The following POLR3B variants were observed in gnomAD, a reference collection of about 807,000 sequenced individuals.
POLR3B encodes the protein DNA-directed RNA polymerase III subunit RPC2.
POLR3B carries 96 observed loss-of-function variants against 147.4 expected under a neutral mutation model. The ratio of observed to expected loss-of-function variants is 0.65; its 90% CI spans 0.55 to 0.77. The LOEUF (loss-of-function observed/expected upper bound fraction) is 0.77. POLR3B is among the 30% of genes least tolerant of loss of function. The probability of loss-of-function intolerance (pLI) is 0.00; values close to 1 mark genes in which losing one functional copy is unlikely to be tolerated. For missense variants in POLR3B, 1,036 were observed against 1,413.5 expected (o/e 0.73, Z 4.28); for synonymous variants, 461 against 485.9 (o/e 0.95, Z 0.67).
At chr12:106,365,004 G>A (rs1481127040) in intron 2 of POLR3B, among the ~76,000 whole-genome samples, 19 of 152,216 alleles carry the variant, frequency 1.2e-4, no homozygotes, top group African/African-American at 1.7e-4. Context: ...GTGTGGTGGC[G>A]GGCCCCTGTA....
chr12:106,361,958 T>A (rs1468178858), intron 1 of POLR3B, among the ~76,000 whole-genome samples: 1 of 152,170 alleles, frequency 6.6e-6, no homozygotes, highest in African/African-American at 2.4e-5. Context: ...TGTCGAGCTC[T>A]TTCACTGGCA....
chr12:106,505,685 T>C (rs1348152764), intron 27 of POLR3B, among the ~76,000 whole-genome samples: 1 of 152,084 alleles, frequency 6.6e-6, no homozygotes, highest in Non-Finnish European at 1.5e-5. Context: ...TCACCTGCCC[T>C]CCCCAGAGTG....
In POLR3B at chr12:106,496,926, T is replaced by C. The variant is rs776764967; in HGVS notation, c.2984+8T>C. 1.9e-6 allele frequency: 3 copies of C among 1,613,018 alleles called. No homozygotes were observed. The highest frequency in any genetic ancestry group is 2.5e-6 in the Non-Finnish European group (3 of 1,179,348). The stretch of plus-strand genomic sequence containing the variant: ...TACATCCGGCATCACAGGGTAAGCA[T>C]GCGATTGAGCTATTTTAAAGAAAAA... On this transcript the variant is annotated splice_region_variant and intron_variant, in intron 25 of 27. Transcript: ENST00000228347.
intron 19 of POLR3B, among the ~76,000 whole-genome samples, chr12:106,451,630 AG>A (rs1177832853): frequency 1.5e-4 from 8 of 53,914 alleles, no homozygotes; most frequent in African/African-American, 3.2e-4. Flanking sequence ...ATTTAAAAAA[AG>A]GCGGGGGGGG....
At chr12:106,377,071 G>T (rs1466382052) in intron 7 of POLR3B, among the ~76,000 whole-genome samples, 1 of 152,018 alleles carries the variant, frequency 6.6e-6, no homozygotes, top group African/African-American at 2.4e-5. Context: ...ATCTTCCAGA[G>T]TTACTGGCCT....
chr12:106,489,515 T>C (rs2038381868), intron 23 of POLR3B, among the ~76,000 whole-genome samples: 1 of 152,222 alleles, frequency 6.6e-6, no homozygotes, highest in South Asian at 2.1e-4. Flanking sequence ...TTTGATTGAA[T>C]GTTTCTTAGA....
intron 18 of POLR3B, among the ~76,000 whole-genome samples, chr12:106,438,003 C>T (rs2137009754): frequency 6.6e-6 from 1 of 152,242 alleles, no homozygotes; most frequent in East Asian, 1.9e-4. Flanking sequence ...AGGTATTAAG[C>T]CCAGCATGCA....
chr12:106,390,264 C>CG, intron 9 of POLR3B, among the ~76,000 whole-genome samples: 1 of 89,326 alleles, frequency 1.1e-5, no homozygotes. Flanking sequence ...GAAAAACTCT[C>CG]TCCCCCCCCA....
rs10861589 is a variant in POLR3B at position 106,378,663 on chromosome 12, A to T, written c.614+279A>T. Among the ~76,000 whole-genome samples, 57,677 of 151,640 alleles carry T rather than the reference A, an allele frequency of 0.38. 12,676 individuals are homozygous for T. The highest frequency in any genetic ancestry group is 0.61 in the African/African-American group (25,180 of 41,248). On this transcript the variant is annotated intron_variant, in intron 8 of 27. Transcript: ENST00000228347. ...ATGAAAGGAGATTTAAAAAAAAAAAAATAAAACCACTCTTCAGTTTTTCAC... is the reference window on the plus strand; with the variant it reads ...ATGAAAGGAGATTTAAAAAAAAAAATATAAAACCACTCTTCAGTTTTTCAC...
intron 25 of POLR3B, among the ~76,000 whole-genome samples, chr12:106,497,671 T>A (rs995064927): frequency 6.6e-6 from 1 of 152,228 alleles, no homozygotes; most frequent in Non-Finnish European, 1.5e-5. Context: ...TCACTAAAGA[T>A]GTGCTAAGCA....
At chr12:106,393,188 G>A (rs752981840) in intron 10 of POLR3B, 35 bp downstream of exon 10, 1 of 1,613,106 alleles carries the variant, frequency 6.2e-7, no homozygotes, top group South Asian at 1.1e-5. Context: ...GCTATGAAAT[G>A]GAATTGGAGA....
rs1216667097 is a variant in POLR3B, at chr12:106,504,434, A to G, written c.3272+180A>G. On this transcript the variant is annotated intron_variant, in intron 27 of 27. Coordinates refer to ENST00000228347, the MANE Select transcript of POLR3B (RefSeq NM_018082.6). The surrounding 1 kb of genome is among the most constrained non-coding windows in gnomAD (Gnocchi z 4.6). ...CTCTGTGTACATGTCTCATTTGTCTACATCATGATCTACTTCCTACACAAC... is the reference window on the plus strand; with the variant it reads ...CTCTGTGTACATGTCTCATTTGTCTGCATCATGATCTACTTCCTACACAAC... Among the ~76,000 whole-genome samples, 1 of 152,206 alleles carries G rather than the reference A, an allele frequency of 6.6e-6. No individual in the cohort carries two copies. The highest frequency in any genetic ancestry group is 1.5e-5 in the Non-Finnish European group (1 of 68,038).
intron 9 of POLR3B, among the ~76,000 whole-genome samples, chr12:106,382,472 A>G (rs894993698): frequency 6.6e-6 from 1 of 152,226 alleles, no homozygotes; most frequent in Non-Finnish European, 1.5e-5. Context: ...AGGAATCACT[A>G]TCATGGCAGC....
intron 23 of POLR3B, among the ~76,000 whole-genome samples, chr12:106,489,235 A>G (rs1382589935): frequency 6.6e-6 from 1 of 152,212 alleles, no homozygotes; most frequent in Non-Finnish European, 1.5e-5. Context: ...CGCTCCCTAA[A>G]TCCTTAAGGA....
chr12:106,507,663 A>G, intron 27 of POLR3B: 1 of 399,856 alleles, frequency 2.5e-6, no homozygotes, highest in Middle Eastern at 3.5e-4. Context: ...GATCAAATAC[A>G]GGTTAAGCAC....
intron 10 of POLR3B, among the ~76,000 whole-genome samples, chr12:106,400,891 C>T (rs1445893285): frequency 3.9e-5 from 6 of 152,190 alleles, no homozygotes; most frequent in Non-Finnish European, 7.3e-5. Context: ...CTAAAATTGA[C>T]ACCCTAACAT....
chr12:106,503,094 T>G (rs1423841964), intron 26 of POLR3B, among the ~76,000 whole-genome samples: 1 of 152,104 alleles, frequency 6.6e-6, no homozygotes, highest in Non-Finnish European at 1.5e-5. Context: ...CAACTACCCA[T>G]TTGTGTTTCT....
At chr12:106,477,890 C>CTTT (rs1449168548) in intron 23 of POLR3B, among the ~76,000 whole-genome samples, 3 of 72,280 alleles carry the variant, frequency 4.2e-5, no homozygotes, top group Non-Finnish European at 5.4e-5. Context: ...TGGCTCCTCC[C>CTTT]CTTTTTTTTT....
chr12:106,388,333 T>TC (rs897946358), intron 9 of POLR3B, among the ~76,000 whole-genome samples: 90 of 152,030 alleles, frequency 5.9e-4, no homozygotes, highest in Admixed American at 1.4e-3. Context: ...TCTTTTTTTT[T>TC]TTTGAGATGG....
Sources: gnomAD v4.1 joint callset for allele counts (sites outside exome capture counted in the v4.1 genomes callset) on GRCh38, gnomAD v4.1.1 for gene constraint, Gnocchi (gnomAD v3.1) non-coding constraint, MANE v1.5 for transcripts, NCBI Gene and HGNC (gene_info 2026-07-23, HGNC 2026-07-21) for gene names.